CYRIA: variants seen among roughly 807,000 people sequenced by gnomAD.
CYRIA encodes CYFIP-related Rac1 interactor A.
Under a neutral mutation model 43.9 loss-of-function variants are expected in CYRIA, and 15 were observed. That is an observed-to-expected ratio of 0.34 (90% CI 0.23 to 0.53). The LOEUF (loss-of-function observed/expected upper bound fraction) is 0.53. Ranked by LOEUF, CYRIA falls within the 20% of genes least tolerant of loss-of-function variation. CYRIA has a pLI of 0.94. For missense variants in CYRIA, 236 were observed against 394.2 expected (o/e 0.60, Z 3.40); for synonymous variants, 117 against 136.0 (o/e 0.86, Z 0.97).
chr2:16,609,078 G>T (rs1668505633), intron 2 of CYRIA, among the ~76,000 whole-genome samples: 1 of 152,220 alleles, frequency 6.6e-6, no homozygotes, highest in Non-Finnish European at 1.5e-5. Context: ...AGCGGACATT[G>T]TAAGGCTGTT....
At chr2:16,608,281 T>C (rs1181442792) in intron 2 of CYRIA, among the ~76,000 whole-genome samples, 1 of 152,228 alleles carries the variant, frequency 6.6e-6, no homozygotes, top group African/African-American at 2.4e-5. Flanking sequence ...TCCCCAAATA[T>C]AAACACTTTT....
At position 16,616,839 on chromosome 2, in the gene CYRIA, G is replaced by C. The variant is rs140845323; in HGVS notation, c.-11+7025C>G. Reference sequence around the variant, plus strand: ...TGATCCCAGAACCCTTACAAGGTTGGTGCTATTAGTCTTCTCATTTTAGAG... The same window carrying C: ...TGATCCCAGAACCCTTACAAGGTTGCTGCTATTAGTCTTCTCATTTTAGAG... On this transcript the variant is annotated intron_variant, in intron 2 of 11. Transcript: ENST00000381323. Among the ~76,000 whole-genome samples the C allele has an allele frequency of 4.6e-5, 7 of 152,324 alleles. No homozygotes were observed. In the East Asian group the frequency reaches 1.4e-3, roughly 29 times the overall value.
chr2:16,553,361 C>T (rs187444756), intron 11 of CYRIA, among the ~76,000 whole-genome samples: 1 of 152,150 alleles, frequency 6.6e-6, no homozygotes, highest in African/African-American at 2.4e-5. Flanking sequence ...GCAACATTGC[C>T]CAGAACTGGA....
At chr2:16,619,288 T>C (rs74891148) in intron 2 of CYRIA, among the ~76,000 whole-genome samples, 3,717 of 152,208 alleles carry the variant, frequency 0.024, 81 homozygotes, top group Non-Finnish European at 0.039. Flanking sequence ...CATATATACA[T>C]ACACACATAT....
intron 2 of CYRIA, among the ~76,000 whole-genome samples, chr2:16,621,577 C>T (rs1287430759): frequency 6.6e-6 from 1 of 152,224 alleles, no homozygotes. Context: ...TCTGCCCTCG[C>T]TTCATTCCAC....
intron 3 of CYRIA, among the ~76,000 whole-genome samples, chr2:16,586,178 A>G (rs746212394): frequency 1.5e-4 from 23 of 152,098 alleles, no homozygotes; most frequent in Admixed American, 1.0e-3. Context: ...AGGCCTTTAT[A>G]CACCCCCACA....
chr2:16,652,299 G>A (rs1347221339), intron 1 of CYRIA, among the ~76,000 whole-genome samples: 1 of 152,142 alleles, frequency 6.6e-6, no homozygotes, highest in African/African-American at 2.4e-5. Context: ...GCTCTAAGTT[G>A]CTACAAGTTG....
At chr2:16,625,004 C>T (rs1387357206) in intron 1 of CYRIA, among the ~76,000 whole-genome samples, 1 of 152,214 alleles carries the variant, frequency 6.6e-6, no homozygotes, top group Non-Finnish European at 1.5e-5. Context: ...GCTATCTAAA[C>T]TGAACTATAT....
At chr2:16,606,285 G>A (rs1190993554) in intron 2 of CYRIA, among the ~76,000 whole-genome samples, 1 of 151,936 alleles carries the variant, frequency 6.6e-6, no homozygotes, top group Non-Finnish European at 1.5e-5. Context: ...TTCTCTACCT[G>A]CTGTACCCCT....
intron 2 of CYRIA, 94 bp from the exon 3 acceptor site, chr2:16,588,223 G>C (rs897768570): frequency 1.4e-6 from 1 of 718,826 alleles, no homozygotes; most frequent in African/African-American, 1.8e-5. Context: ...TACCTTTGAA[G>C]ACCAGAAAGA....
At chr2:16,640,286 T>G (rs1236547850) in intron 1 of CYRIA, among the ~76,000 whole-genome samples, 1 of 152,206 alleles carries the variant, frequency 6.6e-6, no homozygotes, top group African/African-American at 2.4e-5. Flanking sequence ...CTCTTCCCCC[T>G]GCACTGCCAT....
intron 1 of CYRIA, among the ~76,000 whole-genome samples, chr2:16,633,402 T>A (rs1406809392): frequency 5.1e-5 from 6 of 117,834 alleles, no homozygotes; most frequent in Admixed American, 5.1e-4. Context: ...AGTTGTCTCA[T>A]GACTTTTATT....
intron 1 of CYRIA, among the ~76,000 whole-genome samples, chr2:16,657,565 C>G (rs759914707): frequency 6.6e-6 from 1 of 151,734 alleles, no homozygotes; most frequent in Non-Finnish European, 1.5e-5. Context: ...AAAATGGCCA[C>G]TAATGCTTTT....
Position 16,552,671 on chromosome 2 carries a change from G to A in CYRIA, c.*265C>T. 2.5e-6 allele frequency: 1 copy of A among 400,404 alleles called. No homozygotes were observed. The highest frequency in any genetic ancestry group is 4.8e-5 in the South Asian group (1 of 20,740). 24.8% of individuals were successfully genotyped at this position (400,404 alleles called of 1,614,324 possible). A position where few individuals can be genotyped will look rare whatever the true frequency, so the allele number is the denominator to read the frequency against. ...TTTTATCGTTATAGATGTTGTTAAA[G>A]GACTCCAGTAGCAAAGATCAAAGTC... On this transcript the variant is annotated 3_prime_UTR_variant, in exon 12 of 12. Coordinates refer to ENST00000381323, the MANE Select transcript of CYRIA (RefSeq NM_030797.4).
chr2:16,562,356 T>C (rs1470264487), intron 5 of CYRIA, among the ~76,000 whole-genome samples: 1 of 152,094 alleles, frequency 6.6e-6, no homozygotes, highest in African/African-American at 2.4e-5. Flanking sequence ...ATGGCCACAG[T>C]GTTTTGTAAA....
At chr2:16,647,989 C>T (rs1392187215) in intron 1 of CYRIA, among the ~76,000 whole-genome samples, 1 of 152,216 alleles carries the variant, frequency 6.6e-6, no homozygotes, top group African/African-American at 2.4e-5. Context: ...CCCCTGACCT[C>T]CCGGGCTGTA....
At chr2:16,559,246 A>C (rs930541001) in intron 10 of CYRIA, among the ~76,000 whole-genome samples, 1 of 152,160 alleles carries the variant, frequency 6.6e-6, no homozygotes, top group African/African-American at 2.4e-5. Context: ...TCAGCATCAT[A>C]ACATTGCTGC....
At chr2:16,644,308 GT>G (rs1669758280) in intron 1 of CYRIA, among the ~76,000 whole-genome samples, 1 of 152,182 alleles carries the variant, frequency 6.6e-6, no homozygotes, top group Non-Finnish European at 1.5e-5. Flanking sequence ...ATCCCAATTA[GT>G]TGCTGTGTCT....
intron 2 of CYRIA, among the ~76,000 whole-genome samples, chr2:16,620,340 T>C (rs937119377): frequency 6.6e-6 from 1 of 152,336 alleles, no homozygotes; most frequent in Non-Finnish European, 1.5e-5. Flanking sequence ...ACAAAACTTA[T>C]GTTCTAACCA....
Sources: allele counts gnomAD v4.1 joint callset (sites outside exome capture counted in the v4.1 genomes callset), GRCh38; gene constraint gnomAD v4.1.1; transcripts MANE v1.5; gene names NCBI Gene and HGNC (gene_info 2026-07-23, HGNC 2026-07-21).